The following RAD51B variants were observed in gnomAD, a reference collection of about 807,000 sequenced individuals.
The protein encoded by RAD51B is RAD51 paralog B.
A neutral mutation model predicts 42.2 loss-of-function variants in RAD51B; 38 were observed. The ratio of observed to expected loss-of-function variants is 0.90; its 90% CI spans 0.70 to 1.18. The LOEUF (loss-of-function observed/expected upper bound fraction) is 1.18. Ranked by LOEUF, RAD51B falls within the 50% of genes most tolerant of loss-of-function variation. The probability of loss-of-function intolerance (pLI) is 0.00; values close to 1 mark genes in which losing one functional copy is unlikely to be tolerated. For synonymous variants in RAD51B, 154 were observed against 145.2 expected, an observed-to-expected ratio of 1.06 and a Z score of -0.43; for missense variants, 373 against 400.7, an observed-to-expected ratio of 0.93 and a Z score of 0.59.
intron 7 of RAD51B, among the ~76,000 whole-genome samples, chr14:68,141,677 C>G (rs1362654907): frequency 6.6e-6 from 1 of 152,066 alleles, no homozygotes; most frequent in Non-Finnish European, 1.5e-5. Flanking sequence ...GTTTGGTACT[C>G]TTTGTTAATC....
intron 8 of RAD51B, among the ~76,000 whole-genome samples, chr14:68,301,832 A>G (rs1299549542): frequency 6.6e-6 from 1 of 152,216 alleles, no homozygotes; most frequent in East Asian, 1.9e-4. Context: ...CCTGACCTCA[A>G]GTGATCCACC....
At chr14:68,120,746 C>G (rs1595428413) in intron 7 of RAD51B, among the ~76,000 whole-genome samples, 1 of 152,074 alleles carries the variant, frequency 6.6e-6, no homozygotes. Flanking sequence ...GGCCCGGGCT[C>G]TGTCTGCTAT....
chr14:68,081,753 G>C (rs937917131), intron 7 of RAD51B, among the ~76,000 whole-genome samples: 1 of 152,108 alleles, frequency 6.6e-6, no homozygotes, highest in African/African-American at 2.4e-5. Flanking sequence ...CAAACCTCTA[G>C]GGGAGAACAC....
intron 7 of RAD51B, among the ~76,000 whole-genome samples, chr14:68,217,819 G>T (rs1464773683): frequency 1.3e-5 from 2 of 152,126 alleles, no homozygotes; most frequent in South Asian, 4.1e-4. Flanking sequence ...GAAGACTCAG[G>T]GTCTAGAGTA....
intron 9 of RAD51B, among the ~76,000 whole-genome samples, chr14:68,417,106 A>G (rs1040873498): frequency 2.0e-5 from 3 of 152,152 alleles, no homozygotes; most frequent in Admixed American, 6.5e-5. Context: ...TCATAGTTGT[A>G]TATCTCCCTA....
intron 7 of RAD51B, among the ~76,000 whole-genome samples, chr14:67,929,666 T>C (rs958952982): frequency 6.6e-6 from 1 of 152,226 alleles, no homozygotes; most frequent in Non-Finnish European, 1.5e-5. Context: ...AATGCTGAGA[T>C]TGGGATGTTG....
At chr14:68,451,405 T>G (rs957215770) in intron 9 of RAD51B, among the ~76,000 whole-genome samples, 3 of 152,208 alleles carry the variant, frequency 2.0e-5, no homozygotes, top group African/African-American at 7.2e-5. Flanking sequence ...ACATTAAAAA[T>G]ATTGAAAATA....
At chr14:68,356,569 C>T (rs1004568590) in intron 8 of RAD51B, among the ~76,000 whole-genome samples, 1 of 150,876 alleles carries the variant, frequency 6.6e-6, no homozygotes. Context: ...TGCTAGGGAT[C>T]ATCGGAGCCT....
intron 9 of RAD51B, among the ~76,000 whole-genome samples, chr14:68,428,747 ATATATATATATATATAT>A (rs2084921268): frequency 3.1e-5 from 1 of 32,132 alleles, no homozygotes; most frequent in Non-Finnish European, 6.6e-5. Context: ...ATATATATAT[ATATATATATATATATAT>A]AATTATTATA....
At chr14:68,108,516 A>G (rs931926847) in intron 7 of RAD51B, among the ~76,000 whole-genome samples, 2 of 152,028 alleles carry the variant, frequency 1.3e-5, no homozygotes, top group Non-Finnish European at 2.9e-5. Flanking sequence ...ACAAATAGCT[A>G]GATGTTGTAT....
chr14:68,340,981 G>C (rs930717059), intron 8 of RAD51B, among the ~76,000 whole-genome samples: 2 of 152,172 alleles, frequency 1.3e-5, no homozygotes, highest in East Asian at 3.9e-4. Context: ...TTATAATTTT[G>C]CTGATATTTT....
chr14:67,880,420 T>C (rs1234362855), intron 5 of RAD51B, among the ~76,000 whole-genome samples: 1 of 152,150 alleles, frequency 6.6e-6, no homozygotes, highest in East Asian at 1.9e-4. Flanking sequence ...TGTACAGATG[T>C]TTTTCCTTGA....
intron 7 of RAD51B, among the ~76,000 whole-genome samples, chr14:68,087,875 T>TATAA (rs2077012268): frequency 4.9e-5 from 4 of 81,172 alleles, no homozygotes; most frequent in Non-Finnish European, 9.0e-5. Flanking sequence ...TAATATATTA[T>TATAA]TTATATAATT....
At chr14:67,857,034 G>A (rs540882628) in intron 4 of RAD51B, among the ~76,000 whole-genome samples, 2 of 152,166 alleles carry the variant, frequency 1.3e-5, no homozygotes, top group Admixed American at 1.3e-4. Context: ...CACCATTGGG[G>A]CTGAAGCTGG....
At chr14:67,923,140 G>C (rs2044382828) in intron 7 of RAD51B, among the ~76,000 whole-genome samples, 2 of 152,026 alleles carry the variant, frequency 1.3e-5, no homozygotes, top group African/African-American at 4.8e-5. Context: ...CCATTCCTGA[G>C]TTACTTTGCT....
At chr14:67,853,624 T>C (rs2041893585) in intron 4 of RAD51B, among the ~76,000 whole-genome samples, 1 of 152,348 alleles carries the variant, frequency 6.6e-6, no homozygotes, top group African/African-American at 2.4e-5. Flanking sequence ...AGGTCAAGCC[T>C]AGTGTCCTAG....
At chr14:68,237,034 C>G (rs2080272903) in intron 7 of RAD51B, among the ~76,000 whole-genome samples, 1 of 152,184 alleles carries the variant, frequency 6.6e-6, no homozygotes, top group Non-Finnish European at 1.5e-5. Context: ...TTCTGCCTGC[C>G]TTTATTCACC....
chr14:68,255,334 A>T (rs1455489668), intron 7 of RAD51B, among the ~76,000 whole-genome samples: 1 of 152,242 alleles, frequency 6.6e-6, no homozygotes, highest in African/African-American at 2.4e-5. Flanking sequence ...GATAAACATA[A>T]GGTAATTATC....
At chr14:68,215,059 TGAA>T (rs2079785494) in intron 7 of RAD51B, among the ~76,000 whole-genome samples, 1 of 152,218 alleles carries the variant, frequency 6.6e-6, no homozygotes, top group Admixed American at 6.5e-5. Context: ...TCAAAAAACT[TGAA>T]GAAGATTAAT....
Sources: gnomAD v4.1 joint callset for allele counts (sites outside exome capture counted in the v4.1 genomes callset) on GRCh38, gnomAD v4.1.1 for gene constraint, MANE v1.5 for transcripts, NCBI Gene and HGNC (gene_info 2026-07-23, HGNC 2026-07-21) for gene names.